MYO16: variants seen among roughly 807,000 people sequenced by gnomAD.
MYO16 encodes myosin XVI, also known as unconventional myosin-XVI.
MYO16 carries 94 observed loss-of-function variants against 205.3 expected under a neutral mutation model. The ratio of observed to expected loss-of-function variants is 0.46; its 90% CI spans 0.39 to 0.54. MYO16 has a LOEUF of 0.54. Ranked by LOEUF, MYO16 falls within the 20% of genes least tolerant of loss-of-function variation. The pLI, the probability that MYO16 is intolerant of heterozygous loss-of-function variation, is 0.00. For synonymous variants in MYO16, 988 were observed against 954.0 expected (o/e 1.04, Z -0.66); for missense variants, 2,315 against 2,387.5 (o/e 0.97, Z 0.63).
chr13:109,191,965 C>T (rs543311653), intron 34 of MYO16, among the ~76,000 whole-genome samples: 1 of 152,276 alleles, frequency 6.6e-6, no homozygotes, highest in South Asian at 2.1e-4. Context: ...TGGAGAGAGA[C>T]TCCAGGGAAT....
intron 32 of MYO16, among the ~76,000 whole-genome samples, chr13:109,147,403 C>T (rs1036405548): frequency 1.1e-4 from 16 of 152,118 alleles, no homozygotes; most frequent in African/African-American, 3.6e-4. Context: ...TGCTCCAGGA[C>T]GGTGTGTGCA....
Position 108,759,713 on chromosome 13 carries a change from C to T in MYO16, c.508-25922C>T, listed in dbSNP as rs570215049. ...GCAGGCGCCTATAGTCCCAGCTACT[C>T]CGGAGGCTAAGGCAGGAGAATGGCG... On this transcript the variant is annotated intron_variant, in intron 4 of 34. Transcript: ENST00000457511. Among the ~76,000 whole-genome samples the T allele has an allele frequency of 8.6e-4, 131 of 151,766 alleles. 1 individual carries two copies. The highest frequency in any genetic ancestry group is 3.4e-3 in the Middle Eastern group (1 of 292).
At chr13:109,080,815 A>G (rs886702561) in intron 27 of MYO16, among the ~76,000 whole-genome samples, 1 of 152,222 alleles carries the variant, frequency 6.6e-6, no homozygotes, top group Non-Finnish European at 1.5e-5. Context: ...CTCATATATT[A>G]TCTCAAGAGT....
At chr13:108,995,527 G>C (rs1427260021) in intron 21 of MYO16, among the ~76,000 whole-genome samples, 1 of 151,990 alleles carries the variant, frequency 6.6e-6, no homozygotes, top group Non-Finnish European at 1.5e-5. Flanking sequence ...CCATGTTGGT[G>C]TGCTGCCCCC....
chr13:108,644,362 GTCTA>G (rs68036528), intron 1 of MYO16, among the ~76,000 whole-genome samples: 45,583 of 147,334 alleles, frequency 0.31, 7,402 homozygotes, highest in Non-Finnish European at 0.35. Context: ...CTGTCTGTCT[GTCTA>G]TCTATCTATC....
chr13:108,949,029 G>C (rs1409472903), intron 16 of MYO16, among the ~76,000 whole-genome samples: 2 of 152,198 alleles, frequency 1.3e-5, no homozygotes, highest in Non-Finnish European at 2.9e-5. Context: ...ATAGCACATA[G>C]TCAACAGTTG....
chr13:109,142,515 G>A (rs866367075), intron 32 of MYO16, among the ~76,000 whole-genome samples: 1 of 152,022 alleles, frequency 6.6e-6, no homozygotes, highest in African/African-American at 2.4e-5. Context: ...AGTAACAAAA[G>A]GACCCAAGGC....
At chr13:108,605,767 G>T (rs1039633449) in intron 1 of MYO16, among the ~76,000 whole-genome samples, 2 of 152,126 alleles carry the variant, frequency 1.3e-5, no homozygotes, top group African/African-American at 4.8e-5. Context: ...ACAGTAAATT[G>T]GTACCAGGGT....
At chr13:109,146,514 G>C (rs75649167) in intron 32 of MYO16, among the ~76,000 whole-genome samples, 2,536 of 152,188 alleles carry the variant, frequency 0.017, 62 homozygotes, top group African/African-American at 0.057. Context: ...CAGGCATGGT[G>C]GTTCATGCCT....
In MYO16 at chr13:109,019,842, G is replaced by A. The variant is rs1280711919; in HGVS notation, c.2727G>A (p.Lys909=). ...SNTNAVYSPM[K]DGNGNVALKD... is the part of the protein sequence containing the mutation. Reference sequence around the variant, plus strand: ...CAAATGCGGTGTACTCCCCCATGAAGGATGGGAATGGGAATGTTGCCCTCA... The same window carrying A: ...CAAATGCGGTGTACTCCCCCATGAAAGATGGGAATGGGAATGTTGCCCTCA... Residue 909 remains lysine, a synonymous_variant, in exon 23 of 35, where the codon AAG becomes AAA. Coordinates refer to ENST00000457511, the MANE Select transcript of MYO16 (RefSeq NM_001198950.3). The A allele has an allele frequency of 3.1e-6, 5 of 1,614,108 alleles. No individual in the cohort carries two copies. The highest frequency in any genetic ancestry group is 4.2e-6 in the Non-Finnish European group (5 of 1,180,016).
intron 32 of MYO16, among the ~76,000 whole-genome samples, chr13:109,159,612 A>AAAC (rs1204087134): frequency 6.6e-6 from 1 of 152,240 alleles, no homozygotes; most frequent in East Asian, 1.9e-4. Flanking sequence ...GACACAAAAC[A>AAAC]AACAATTGGG....
intron 1 of MYO16, among the ~76,000 whole-genome samples, chr13:108,601,663 C>T (rs1456268240): frequency 8.5e-5 from 13 of 152,050 alleles, no homozygotes; most frequent in Admixed American, 8.5e-4. Flanking sequence ...TGCACATTCA[C>T]CTGCATCCCA....
intron 5 of MYO16, 114 bp downstream of exon 5, chr13:108,785,857 G>A (rs1886443411): frequency 1.5e-6 from 1 of 654,638 alleles, no homozygotes. Flanking sequence ...TTCCGCACGT[G>A]GTGTAGAAGA....
intron 7 of MYO16, among the ~76,000 whole-genome samples, chr13:108,809,744 T>C (rs1020576141): frequency 1.3e-5 from 2 of 152,166 alleles, no homozygotes; most frequent in East Asian, 3.9e-4. Context: ...CAGACAAACA[T>C]CCAAACTATA....
At chr13:109,148,043 G>T (rs576700385) in intron 32 of MYO16, among the ~76,000 whole-genome samples, 8 of 152,108 alleles carry the variant, frequency 5.3e-5, no homozygotes, top group African/African-American at 1.9e-4. Flanking sequence ...TAATTTCTTT[G>T]CCTCTCTGTA....
At chr13:109,065,830 T>G (rs1432416736) in intron 27 of MYO16, among the ~76,000 whole-genome samples, 1 of 152,156 alleles carries the variant, frequency 6.6e-6, no homozygotes, top group Non-Finnish European at 1.5e-5. Flanking sequence ...CCATCAGTCA[T>G]TTAAAGGATT....
chr13:108,744,816 A>T (rs1027498094), intron 4 of MYO16, among the ~76,000 whole-genome samples: 1 of 152,212 alleles, frequency 6.6e-6, no homozygotes, highest in Non-Finnish European at 1.5e-5. Flanking sequence ...TCAGCCTCCT[A>T]TGCTGTTAGT....
At chr13:109,203,651 T>C (rs188481742) in intron 34 of MYO16, among the ~76,000 whole-genome samples, 40 of 152,300 alleles carry the variant, frequency 2.6e-4, no homozygotes, top group Non-Finnish European at 4.7e-4. Flanking sequence ...AATCTAGCCC[T>C]GTGTTTCAGA....
chr13:108,586,642 T>C, the MYO16 span, among the ~76,000 whole-genome samples: 1 of 152,216 alleles, frequency 6.6e-6, no homozygotes, highest in African/African-American at 2.4e-5. Flanking sequence ...AAATGTCATG[T>C]AGGTGAAAAA....
Sources: gnomAD v4.1 joint callset for allele counts (sites outside exome capture counted in the v4.1 genomes callset) on GRCh38, gnomAD v4.1.1 for gene constraint, MANE v1.5 for transcripts, NCBI Gene and HGNC (gene_info 2026-07-23, HGNC 2026-07-21) for gene names.